ATXN7L3: variants seen among roughly 807,000 people sequenced by gnomAD.
ATXN7L3 encodes ataxin 7 like 3.
ATXN7L3 carries 6 observed loss-of-function variants against 50.0 expected under a neutral mutation model. The observed-to-expected ratio is 0.12, with a 90% CI of 0.07 to 0.24. ATXN7L3 has a LOEUF of 0.24. ATXN7L3 is among the 10% of genes least tolerant of loss of function. The pLI, the probability that ATXN7L3 is intolerant of heterozygous loss-of-function variation, is 1.00. For synonymous variants in ATXN7L3, 198 were observed against 165.8 expected (o/e 1.19, Z -1.49); for missense variants, 322 against 451.3 (o/e 0.71, Z 2.60).
In ATXN7L3 at chr17:44,197,897, G is replaced by A. The variant is rs947216691; in HGVS notation, c.51+123C>T. The A allele has an allele frequency of 6.0e-6, 9 of 1,503,116 alleles. No individual in the cohort carries two copies. In the African/African-American group the frequency reaches 1.3e-4, roughly 21 times the overall value. The allele number at this position is 1,503,116 out of a possible 1,614,324, so 93.1% of individuals were successfully genotyped here. A position where few individuals can be genotyped will look rare whatever the true frequency, so the allele number is the denominator to read the frequency against. ...TCTTCCTGGATCCTTGGCTTTTTCA[G>A]CTGGCTATTCCCTTTAAGGAACAAG... On this transcript the variant is annotated intron_variant, in intron 2 of 12. Coordinates refer to ENST00000587097, the MANE Select transcript of ATXN7L3 (RefSeq NM_001382309.1).
rs533245406 is a variant in ATXN7L3 at position 44,197,559 on chromosome 17, G to A, written c.184+39C>T. 1.9e-6 allele frequency: 3 copies of A among 1,613,594 alleles called. No homozygotes were observed. In the East Asian group the frequency reaches 6.7e-5, roughly 36 times the overall value. Reference sequence around the variant, plus strand: ...AGAAGGAAACTCCAGGCAGTCCCAGGGAAGGGCTGGACTGCTGCTCCTTCA... The same window carrying A: ...AGAAGGAAACTCCAGGCAGTCCCAGAGAAGGGCTGGACTGCTGCTCCTTCA... On this transcript the variant is annotated intron_variant, in intron 3 of 12. Coordinates refer to ENST00000587097, the MANE Select transcript of ATXN7L3 (RefSeq NM_001382309.1).
chr17:44,194,353 T>C lies in ATXN7L3; in HGVS notation c.954A>G (p.Val318=), dbSNP rs990660650. 6.2e-7 allele frequency: 1 copy of C among 1,614,128 alleles called. No individual in the cohort carries two copies. Among genetic ancestry groups the C allele is most frequent in the Non-Finnish European group, 8.5e-7 (1 of 1,180,056 alleles). Residue 318 remains valine, a synonymous_variant, in exon 13 of 13, where the codon GTA becomes GTG. Transcript: ENST00000587097. Reference sequence around the variant, plus strand: ...TGGAACCTAGGCCGGAGGCAGTCCCTACCAGGCTCAGATGGGATTTCTTTT... The same window carrying C: ...TGGAACCTAGGCCGGAGGCAGTCCCCACCAGGCTCAGATGGGATTTCTTTT... ...TKKKKSHLSL[V]GTASGLGSNK... is the part of the protein sequence containing the mutation.
intron 8 of ATXN7L3, 76 bp downstream of exon 8, chr17:44,195,724 A>G: frequency 6.7e-7 from 1 of 1,489,926 alleles, no homozygotes; most frequent in Non-Finnish European, 9.4e-7. Flanking sequence ...CAGCATTCTG[A>G]TCCCTACTTG....
intron 1 of ATXN7L3, chr17:44,198,409 C>G (rs1476640489): frequency 3.3e-6 from 1 of 300,406 alleles, no homozygotes; most frequent in Non-Finnish European, 6.1e-6. Context: ...AACTCAAACC[C>G]CTCTTTGATA....
chr17:44,194,148 A>T lies in ATXN7L3; in HGVS notation c.*115T>A. ...ATCGGATCCTCTGCCTGCCTGGCCC[A>T]CCAAGCTTCCCAAGCCCCAACCCCC... is the stretch of plus-strand genomic sequence containing the variant. On this transcript the variant is annotated 3_prime_UTR_variant, in exon 13 of 13. Coordinates refer to ENST00000587097, the MANE Select transcript of ATXN7L3 (RefSeq NM_001382309.1). The T allele has an allele frequency of 7.1e-7, 1 of 1,413,690 alleles. No homozygotes were observed. The highest frequency in any genetic ancestry group is 9.6e-7 in the Non-Finnish European group (1 of 1,045,958). 87.6% of individuals were successfully genotyped at this position (1,413,690 alleles called of 1,614,324 possible). A position where few individuals can be genotyped will look rare whatever the true frequency, so the allele number is the denominator to read the frequency against.
chr17:44,195,069 T>C (rs1388818508), intron 10 of ATXN7L3, 28 bp downstream of exon 10: 18 of 1,613,264 alleles, frequency 1.1e-5, no homozygotes, highest in Non-Finnish European at 1.5e-5. Flanking sequence ...AGGAAGCGCC[T>C]GGCCCCCTTT....
chr17:44,197,121 G>A (rs1264778117), intron 4 of ATXN7L3, 95 bp from the exon 5 acceptor site: 3 of 1,548,190 alleles, frequency 1.9e-6, no homozygotes, highest in Non-Finnish European at 2.7e-6. Context: ...AGAAGCAGGT[G>A]GAGCATCTGG....
rs1243644343 is a variant in ATXN7L3, at chr17:44,195,423, G to C, written c.617C>G (p.Thr206Ser). 2.5e-6 allele frequency: 4 copies of C among 1,613,828 alleles called. No homozygotes were observed. The Admixed American group carries it at 5.0e-5, about 20-fold the overall frequency. Residue 206 changes from threonine (T) to serine (S), a missense_variant, in exon 9 of 13, where the codon ACC (threonine) becomes AGC (serine). Physicochemically the swap from Thr to Ser is moderately conservative, Grantham distance 58. Around this residue, in one of 5 missense-constraint regions of ATXN7L3, gnomAD observed 95 missense variants for 98.1 expected, o/e 0.97. Transcript: ENST00000587097. ...CTCTTGCTGGTCCTCCCTCACCGTG[G>C]TTAGCAGGCTGCGAAGCTCCTCCGG... ...LGPEELRSLL[T>S]TQCGVISEHT...
rs773572177 is a variant in ATXN7L3, at chr17:44,194,420, A to C, written c.896-9T>G. On this transcript the variant is annotated splice_polypyrimidine_tract_variant and intron_variant, in intron 12 of 12. Transcript: ENST00000587097. ...CTCAGAGCTGTTGGTACCTGTAGAG[A>C]AAGAGACACAAGGGATGAGAGTATG... is the stretch of plus-strand genomic sequence containing the variant. 3.1e-6 allele frequency: 5 copies of C among 1,613,954 alleles called. No homozygotes were observed. The highest frequency in any genetic ancestry group is 1.7e-5 in the Admixed American group (1 of 59,998).
intron 1 of ATXN7L3, chr17:44,198,480 A>T (rs2056006746): frequency 1.1e-5 from 2 of 189,532 alleles, no homozygotes; most frequent in Admixed American, 5.8e-5. Flanking sequence ...GCAAACCCAC[A>T]GGGTGTGGCA....
chr17:44,197,634 A>G lies in ATXN7L3; in HGVS notation c.148T>C (p.Leu50=). 1.9e-6 allele frequency: 3 copies of G among 1,614,234 alleles called. No individual in the cohort carries two copies. Among genetic ancestry groups the G allele is most frequent in the Non-Finnish European group, 2.5e-6 (3 of 1,180,028 alleles). Reference sequence around the variant, plus strand: ...ATGCTATCAGGGTCCGTGTCGTCCAAGAAGAAGTAGCCACACTTGACAGCC... The same window carrying G: ...ATGCTATCAGGGTCCGTGTCGTCCAGGAAGAAGTAGCCACACTTGACAGCC... ...HRAVKCGYFF[L]DDTDPDSMKD... is the part of the protein sequence containing the mutation. Residue 50 remains leucine (L), a synonymous_variant, in exon 3 of 13, where the codon TTG becomes CTG. Coordinates refer to ENST00000587097, the MANE Select transcript of ATXN7L3 (RefSeq NM_001382309.1).
Position 44,194,076 on chromosome 17 carries a change from A to G in ATXN7L3, c.*187T>C. 1.4e-6 allele frequency: 1 copy of G among 692,790 alleles called. No individual in the cohort carries two copies. The highest frequency in any genetic ancestry group is 2.4e-6 in the Non-Finnish European group (1 of 415,140). 42.9% of individuals were successfully genotyped at this position (692,790 alleles called of 1,614,324 possible). A position where few individuals can be genotyped will look rare whatever the true frequency, so the allele number is the denominator to read the frequency against. ...CAGGTCTGAGTCCTGCACGCCGAGG[A>G]GTCGTGCTCCATTGCAGAGGACTTT... On this transcript the variant is annotated 3_prime_UTR_variant, in exon 13 of 13. Coordinates refer to ENST00000587097, the MANE Select transcript of ATXN7L3 (RefSeq NM_001382309.1).
intron 6 of ATXN7L3, 40 bp from the exon 7 acceptor site, chr17:44,196,119 G>C (rs778280416): frequency 6.3e-7 from 1 of 1,592,226 alleles, no homozygotes; most frequent in African/African-American, 1.3e-5. Context: ...AAAGGGTAAC[G>C]AAAAGGGGGA....
rs1173298633 is a variant in ATXN7L3 at position 44,194,278 on chromosome 17, A to G, written c.1029T>C (p.Tyr343=). 1.2e-6 allele frequency: 2 copies of G among 1,614,078 alleles called. No homozygotes were observed. Among genetic ancestry groups the G allele is most frequent in the South Asian group, 1.1e-5 (1 of 91,092 alleles). ...KPPAPPTPSI[Y]DDIN ...TGCACCCAAGTCAGTTGATGTCATC[A>G]TAGATGCTGGGCGTCGGGGGTGCCG... is the stretch of plus-strand genomic sequence containing the variant. The change falls in exon 13 of 13, where the codon TAT becomes TAC. Residue 343 remains tyrosine, a synonymous_variant. Coordinates refer to ENST00000587097, the MANE Select transcript of ATXN7L3 (RefSeq NM_001382309.1).
rs1177447989 is a variant in ATXN7L3 at position 44,193,002 on chromosome 17, G to C, written c.*1261C>G. ...GGAGTGGTGGTGCCCGCATGGAGGG[G>C]GGACGGTACATCTCTTTAGGATGTA... On this transcript the variant is annotated 3_prime_UTR_variant, in exon 13 of 13. Coordinates refer to ENST00000587097, the MANE Select transcript of ATXN7L3 (RefSeq NM_001382309.1). The C allele has an allele frequency of 1.3e-5, 2 of 152,294 alleles. No homozygotes were observed. Among genetic ancestry groups the C allele is most frequent in the South Asian group, 2.1e-4 (1 of 4,828 alleles). 9.4% of individuals were successfully genotyped at this position (152,294 alleles called of 1,614,324 possible).
intron 6 of ATXN7L3, 82 bp downstream of exon 6, chr17:44,196,314 T>A: frequency 6.7e-7 from 1 of 1,503,178 alleles, no homozygotes; most frequent in Non-Finnish European, 9.1e-7. Context: ...CCTTGAGTCA[T>A]GACACTCGAG....
At chr17:44,195,770 G>A (rs1441942461) in intron 8 of ATXN7L3, 30 bp downstream of exon 8, 12 of 1,579,912 alleles carry the variant, frequency 7.6e-6, no homozygotes, top group Admixed American at 1.7e-5. Flanking sequence ...AGGACAATGA[G>A]AGCAAGCATG....
At chr17:44,195,779 T>G (rs755103042) in intron 8 of ATXN7L3, 21 bp downstream of exon 8, 2 of 1,592,942 alleles carry the variant, frequency 1.3e-6, no homozygotes, top group Non-Finnish European at 1.7e-6. Flanking sequence ...AGAGCAAGCA[T>G]GAGGGGCGGC....
chr17:44,195,278 A>G (rs2055841791), intron 9 of ATXN7L3, 138 bp from the exon 10 acceptor site: 3 of 1,332,328 alleles, frequency 2.3e-6, no homozygotes, highest in Non-Finnish European at 3.2e-6. Context: ...CCAGGACACT[A>G]TGGGCCGGGA....
Sources: gnomAD v4.1 joint callset for allele counts on GRCh38, gnomAD v4.1.1 for gene constraint, gnomAD v4.1.1 regional missense constraint, MANE v1.5 for transcripts, NCBI Gene and HGNC (gene_info 2026-07-23, HGNC 2026-07-21) for gene names.